The following TMC3 variants were observed in gnomAD, a reference collection of about 807,000 sequenced individuals.
TMC3 encodes the protein transmembrane channel like 3.
A neutral mutation model predicts 110.6 loss-of-function variants in TMC3; 98 were observed. The ratio of observed to expected loss-of-function variants is 0.89; its 90% confidence interval spans 0.75 to 1.05. TMC3 has a LOEUF of 1.05. Ranked by LOEUF, TMC3 falls within the 50% of genes least tolerant of loss-of-function variation. The probability of loss-of-function intolerance (pLI) is 0.00; values close to 1 mark genes in which losing one functional copy is unlikely to be tolerated. For synonymous variants in TMC3, 489 were observed against 513.1 expected, an observed-to-expected ratio of 0.95 and a Z score of 0.63; for missense variants, 1,319 against 1,373.2, an observed-to-expected ratio of 0.96 and a Z score of 0.62.
At chr15:81,369,776 A>T (rs1210963278) in intron 2 of TMC3, among the ~76,000 whole-genome samples, 1 of 152,034 alleles carries the variant, frequency 6.6e-6, no homozygotes, top group Non-Finnish European at 1.5e-5. Flanking sequence ...TATTAAAAAA[A>T]TTAGCTGGAT....
At chr15:81,334,384 G>A (rs3935740) in intron 21 of TMC3, among the ~76,000 whole-genome samples, 32,434 of 152,086 alleles carry the variant, frequency 0.21, 6,027 homozygotes, top group African/African-American at 0.51. Flanking sequence ...ACCAGACTAG[G>A]GCTAAAATAT....
At chr15:81,355,686 C>T (rs1894044442) in intron 9 of TMC3, 39 bp downstream of exon 9, 2 of 1,413,076 alleles carry the variant, frequency 1.4e-6, no homozygotes, top group Non-Finnish European at 2.0e-6. Context: ...AAAAATAAAA[C>T]TTATCAATGA....
rs779434727 is a variant in TMC3 at position 81,332,840 on chromosome 15, C to T, written c.2882G>A (p.Arg961His). 9.3e-6 allele frequency: 15 copies of T among 1,613,116 alleles called. No individual in the cohort carries two copies. In the East Asian group the frequency reaches 2.5e-4, roughly 26 times the overall value. ...AGCCCGACGGAGGTCTATCAGGGAG[C>T]GTGGGGGAAGAGACCGTTTGATCCA... is the stretch of plus-strand genomic sequence containing the variant. ...RDWIKRSLPP[R>H]SLIDLRRAPH... is the part of the protein sequence containing the mutation. The change falls in exon 22 of 22, where the codon CGC becomes CAC. Residue 961 changes from arginine (R) to histidine (H), a missense_variant. Arg to His is a conservative substitution (Grantham distance 29). Coordinates refer to ENST00000359440, the MANE Select transcript of TMC3 (RefSeq NM_001080532.3).
intron 3 of TMC3, among the ~76,000 whole-genome samples, chr15:81,364,073 T>G (rs1894251129): frequency 6.6e-6 from 1 of 152,206 alleles, no homozygotes; most frequent in South Asian, 2.1e-4. Flanking sequence ...TTAGTGGCAT[T>G]CAGAGTTCTC....
chr15:81,369,753 A>G (rs181434446), intron 2 of TMC3, among the ~76,000 whole-genome samples: 1 of 151,912 alleles, frequency 6.6e-6, no homozygotes, highest in Admixed American at 6.6e-5. Context: ...GTGAGATCCC[A>G]TCTCTACAAA....
In TMC3 at chr15:81,355,736, T is replaced by C; in HGVS notation, c.924A>G (p.Lys308=). 2 of 1,598,348 alleles carry C rather than the reference T, an allele frequency of 1.3e-6. No individual in the cohort carries two copies. The highest frequency in any genetic ancestry group is 1.1e-5 in the South Asian group (1 of 89,110). ...EAILEEQEKK[K]SKNLAVTICL... ...GTAATAATACCTACAGGTTTTTGCT[T>C]TTCTTTTTCTCCTGTTCTTCCAATA... Residue 308 remains lysine (K), a synonymous_variant, in exon 9 of 22, where the codon AAA becomes AAG. Coordinates refer to ENST00000359440, the MANE Select transcript of TMC3 (RefSeq NM_001080532.3).
chr15:81,371,981 A>G (rs959787878), intron 2 of TMC3, among the ~76,000 whole-genome samples: 1 of 152,220 alleles, frequency 6.6e-6, no homozygotes, highest in Non-Finnish European at 1.5e-5. Flanking sequence ...TTAATATCAC[A>G]TAGATAGAAA....
chr15:81,343,953 T>C lies in TMC3; in HGVS notation c.1611A>G (p.Leu537=). 6.2e-7 allele frequency: 1 copy of C among 1,613,072 alleles called. No homozygotes were observed. Among genetic ancestry groups the C allele is most frequent in the Non-Finnish European group, 8.5e-7 (1 of 1,179,346 alleles). The change falls in exon 14 of 22, where the codon TTA becomes TTG. Residue 537 remains leucine (L), a synonymous_variant. Coordinates refer to ENST00000359440, the MANE Select transcript of TMC3 (RefSeq NM_001080532.3). ...CCAGATCCCAACACCAGTAGTCACT[T>C]AAGTACCGCACGAAAAGTCCTCGGA... The part of the protein sequence containing the change: ...DFFRGLFVRY[L]SDYWCWDLES...
At chr15:81,352,656 G>C (rs1472507057) in intron 9 of TMC3, among the ~76,000 whole-genome samples, 1 of 152,078 alleles carries the variant, frequency 6.6e-6, no homozygotes, top group Non-Finnish European at 1.5e-5. Flanking sequence ...AGGCATCCAG[G>C]GTAAGGCACT....
Position 81,358,016 on chromosome 15 carries a change from A to G in TMC3, c.743+133T>C, listed in dbSNP as rs1029127964. On this transcript the variant is annotated intron_variant, in intron 7 of 21. Transcript: ENST00000359440. ...AAGATTAGATGACATTACACATATC[A>G]TAACACTTGATATGTATTTTGAGAA... The G allele has an allele frequency of 3.3e-5, 38 of 1,149,620 alleles. No individual in the cohort carries two copies. The African/African-American group carries it at 5.5e-4, about 17-fold the overall frequency. 71.2% of individuals were successfully genotyped at this position (1,149,620 alleles called of 1,614,324 possible).
At position 81,358,461 on chromosome 15, in the gene TMC3, T is replaced by C; in HGVS notation, c.541A>G (p.Thr181Ala). ...GQPFGSTARK[T>A]IPKEQVSSAQ... ...GACGAAACCTGCTCCTTGGGGATGG[T>C]CTTCCTGGCTGTGCTTCCAAAGGGC... Residue 181 changes from threonine (T) to alanine (A), a missense_variant, in exon 6 of 22, where the codon ACC becomes GCC. Physicochemically the swap from Thr to Ala is moderately conservative, Grantham distance 58. Transcript: ENST00000359440. 1 of 1,613,510 alleles carries C rather than the reference T, an allele frequency of 6.2e-7. No individual in the cohort carries two copies. Among genetic ancestry groups the C allele is most frequent in the Non-Finnish European group, 8.5e-7 (1 of 1,179,636 alleles).
chr15:81,373,198 C>A (rs546681483), intron 1 of TMC3, among the ~76,000 whole-genome samples: 57 of 152,294 alleles, frequency 3.7e-4, no homozygotes, highest in African/African-American at 1.3e-3. Flanking sequence ...ACTTCTGCCA[C>A]TCAGAAACCC....
intron 18 of TMC3, among the ~76,000 whole-genome samples, chr15:81,338,316 T>A (rs1278757587): frequency 6.6e-6 from 1 of 152,226 alleles, no homozygotes; most frequent in Non-Finnish European, 1.5e-5. Context: ...AAATTCCTTT[T>A]CAGGATTATT....
chr15:81,349,951 C>T (rs1218326324), intron 10 of TMC3, among the ~76,000 whole-genome samples: 3 of 135,280 alleles, frequency 2.2e-5, no homozygotes, highest in Non-Finnish European at 4.6e-5. Flanking sequence ...AGCAAGACCC[C>T]ATCTCTACAA....
chr15:81,338,899 A>C, intron 17 of TMC3, 119 bp from the exon 18 acceptor site: 11 of 1,085,302 alleles, frequency 1.0e-5, no homozygotes, highest in Non-Finnish European at 1.3e-5. Context: ...AAATGATTTC[A>C]TATCTAATTA....
intron 3 of TMC3, among the ~76,000 whole-genome samples, chr15:81,366,897 A>G (rs575539556): frequency 6.6e-6 from 1 of 152,330 alleles, no homozygotes; most frequent in Non-Finnish European, 1.5e-5. Flanking sequence ...GAATCTAAAA[A>G]GAGTGTATCT....
chr15:81,341,584 G>T, intron 15 of TMC3, 66 bp from the exon 16 acceptor site: 1 of 1,528,320 alleles, frequency 6.5e-7, no homozygotes, highest in East Asian at 2.4e-5. Context: ...GACTATGGAA[G>T]CCCCATGCAG....
chr15:81,348,731 C>G (rs1893877992), intron 11 of TMC3, among the ~76,000 whole-genome samples: 1 of 152,058 alleles, frequency 6.6e-6, no homozygotes, highest in Non-Finnish European at 1.5e-5. Flanking sequence ...TCTCACCACT[C>G]AGAGTTAAAC....
intron 2 of TMC3, among the ~76,000 whole-genome samples, chr15:81,369,494 A>T (rs1214793110): frequency 6.6e-6 from 1 of 152,216 alleles, no homozygotes; most frequent in Non-Finnish European, 1.5e-5. Context: ...GCAAGTTTTT[A>T]AAAAGTAAAA....
Sources: allele counts gnomAD v4.1 joint callset (sites outside exome capture counted in the v4.1 genomes callset), GRCh38; gene constraint gnomAD v4.1.1; transcripts MANE v1.5; gene names NCBI Gene and HGNC (gene_info 2026-07-23, HGNC 2026-07-21).